Variants in GUCY1A2 observed in about 807,000 individuals in gnomAD.
The protein encoded by GUCY1A2 is guanylate cyclase soluble subunit alpha-2.
A neutral mutation model predicts 63.5 loss-of-function variants in GUCY1A2; 27 were observed. The ratio of observed to expected loss-of-function variants is 0.43; its 90% confidence interval spans 0.31 to 0.59. GUCY1A2 has a LOEUF of 0.59. GUCY1A2 is among the 20% of genes least tolerant of loss of function. The pLI is 0.11. For synonymous variants in GUCY1A2, 364 were observed against 343.5 expected (o/e 1.06, Z -0.66); for missense variants, 768 against 913.3 (o/e 0.84, Z 2.05).
chr11:106,916,397 C>A (rs771422663), intron 4 of GUCY1A2, among the ~76,000 whole-genome samples: 1 of 145,194 alleles, frequency 6.9e-6, no homozygotes, highest in Non-Finnish European at 1.5e-5. Context: ...TAAAATCATA[C>A]CTATCTCATT....
intron 6 of GUCY1A2, among the ~76,000 whole-genome samples, chr11:106,766,086 C>T (rs1864158196): frequency 6.6e-6 from 1 of 151,980 alleles, no homozygotes; most frequent in South Asian, 2.1e-4. Context: ...TAGTGGTGAC[C>T]CAGACAATTA....
intron 2 of GUCY1A2, among the ~76,000 whole-genome samples, chr11:106,981,833 C>A (rs1017529736): frequency 4.6e-5 from 7 of 151,788 alleles, no homozygotes; most frequent in Admixed American, 1.3e-4. Context: ...AGATGCTAAA[C>A]AACAGATTCT....
intron 5 of GUCY1A2, among the ~76,000 whole-genome samples, chr11:106,777,730 A>C (rs981784641): frequency 2.0e-5 from 3 of 152,046 alleles, no homozygotes; most frequent in African/African-American, 7.2e-5. Flanking sequence ...TCTAATGTAG[A>C]TGACAGGTTG....
chr11:106,689,980 C>T lies in GUCY1A2; in HGVS notation c.1992-2224G>A, dbSNP rs144429126. On this transcript the variant is annotated intron_variant, in intron 7 of 7. Transcript: ENST00000526355. ...CTGCTCTACAGCCTGGGTGACAGAGCGAGACTCAGTCTCAAAAAAAAAAAA... is the reference window on the plus strand; with the variant it reads ...CTGCTCTACAGCCTGGGTGACAGAGTGAGACTCAGTCTCAAAAAAAAAAAA... Among the ~76,000 whole-genome samples, 1,072 of 143,918 alleles carry T rather than the reference C, an allele frequency of 7.4e-3. 5 individuals carry two copies. Among genetic ancestry groups the T allele is most frequent in the Non-Finnish European group, 0.011 (731 of 66,780 alleles). 94.4% of individuals were successfully genotyped at this position (143,918 alleles called of 152,430 possible).
At chr11:106,956,468 TTTG>T (rs995320399) in intron 3 of GUCY1A2, among the ~76,000 whole-genome samples, 16 of 151,978 alleles carry the variant, frequency 1.1e-4, no homozygotes, top group Admixed American at 3.9e-4. Context: ...TGGAGGCCTT[TTTG>T]TTGTTGTTGT....
intron 5 of GUCY1A2, among the ~76,000 whole-genome samples, chr11:106,795,193 T>A (rs1039817256): frequency 1.2e-4 from 18 of 152,168 alleles, no homozygotes; most frequent in Non-Finnish European, 2.2e-4. Flanking sequence ...AATCAGGTTT[T>A]CAGACTTTAT....
chr11:106,707,989 C>G (rs1405894707), intron 7 of GUCY1A2, among the ~76,000 whole-genome samples: 2 of 151,990 alleles, frequency 1.3e-5, no homozygotes, highest in Non-Finnish European at 2.9e-5. Flanking sequence ...ATTTGGGATG[C>G]TCACCAGGTA....
chr11:106,674,517 T>A lies in GUCY1A2; in HGVS notation c.*13032A>T, dbSNP rs1257627117. ...TATGAAATACCAAATGAAACTTTTT[T>A]AAAATTAATGGTACAGGTTTAAGAG... On this transcript the variant is annotated 3_prime_UTR_variant, in exon 8 of 8. Transcript: ENST00000526355. 1 of 179,236 alleles carries A rather than the reference T, an allele frequency of 5.6e-6. No individual in the cohort carries two copies. The highest frequency in any genetic ancestry group is 1.2e-5 in the Non-Finnish European group (1 of 83,828). 11.1% of individuals were successfully genotyped at this position (179,236 alleles called of 1,614,324 possible).
chr11:106,935,575 C>T (rs1187117791), intron 4 of GUCY1A2, among the ~76,000 whole-genome samples: 1 of 152,254 alleles, frequency 6.6e-6, no homozygotes, highest in African/African-American at 2.4e-5. Flanking sequence ...TGCGGTGGCT[C>T]ACGCCTGTGA....
intron 3 of GUCY1A2, among the ~76,000 whole-genome samples, chr11:106,960,434 A>G (rs1415561082): frequency 6.6e-6 from 1 of 152,208 alleles, no homozygotes; most frequent in Non-Finnish European, 1.5e-5. Context: ...GATGCCTGAG[A>G]AGCCCAAAAT....
At chr11:106,973,691 T>C (rs1311967209) in intron 3 of GUCY1A2, among the ~76,000 whole-genome samples, 2 of 152,118 alleles carry the variant, frequency 1.3e-5, no homozygotes, top group Admixed American at 6.6e-5. Context: ...CTGAAATGAA[T>C]TTAAATTCTG....
In GUCY1A2 at chr11:106,876,511, C is replaced by T. The variant is rs529170272; in HGVS notation, c.1206+62949G>A. Among the ~76,000 whole-genome samples the T allele has an allele frequency of 4.6e-5, 7 of 152,178 alleles. No homozygotes were observed. The East Asian group carries it at 5.8e-4, about 13-fold the overall frequency. ...GGTACCACATCTGACTGTACATTTA[C>T]GATTCTCCCTGCCATCAAACTTTCT... On this transcript the variant is annotated intron_variant, in intron 4 of 7. Coordinates refer to ENST00000526355, the MANE Select transcript of GUCY1A2 (RefSeq NM_000855.3).
intron 4 of GUCY1A2, among the ~76,000 whole-genome samples, chr11:106,814,434 A>G (rs568680317): frequency 1.8e-4 from 27 of 152,102 alleles, no homozygotes; most frequent in Non-Finnish European, 3.8e-4. Flanking sequence ...GCCCAGTCTG[A>G]GAAGCTTCCA....
At chr11:106,735,848 T>C (rs1863579874) in intron 6 of GUCY1A2, among the ~76,000 whole-genome samples, 1 of 152,172 alleles carries the variant, frequency 6.6e-6, no homozygotes, top group Non-Finnish European at 1.5e-5. Context: ...GAGATGCTCA[T>C]GGTAGTTTTG....
intron 7 of GUCY1A2, among the ~76,000 whole-genome samples, chr11:106,692,839 T>C (rs1435779933): frequency 6.6e-6 from 1 of 152,162 alleles, no homozygotes. Flanking sequence ...AAAGTGATTA[T>C]TTTTATTTGC....
intron 4 of GUCY1A2, among the ~76,000 whole-genome samples, chr11:106,822,324 T>C (rs1214625152): frequency 1.3e-5 from 2 of 152,184 alleles, no homozygotes; most frequent in African/African-American, 4.8e-5. Context: ...GAAGTAAAAT[T>C]ATGAATTTTT....
intron 5 of GUCY1A2, among the ~76,000 whole-genome samples, chr11:106,792,939 G>T (rs61344618): frequency 0.044 from 6,628 of 152,118 alleles, 144 homozygotes; most frequent in East Asian, 0.093. Flanking sequence ...TTGTAAAAAT[G>T]TCCATAAAAC....
In GUCY1A2 at chr11:106,679,905, G is replaced by T. The variant is rs901267472; in HGVS notation, c.*7644C>A. 1 of 218,384 alleles carries T rather than the reference G, an allele frequency of 4.6e-6. No individual in the cohort carries two copies. The highest frequency in any genetic ancestry group is 2.3e-5 in the African/African-American group (1 of 44,426). The allele number at this position is 218,384 out of a possible 1,614,324, so 13.5% of individuals were successfully genotyped here. ...AGCTTCACTGAGATGTGCAGCTGCC[G>T]AGAGGTTGGCACTACCTCCTAGGAA... On this transcript the variant is annotated 3_prime_UTR_variant, in exon 8 of 8. Coordinates refer to ENST00000526355, the MANE Select transcript of GUCY1A2 (RefSeq NM_000855.3).
intron 6 of GUCY1A2, among the ~76,000 whole-genome samples, chr11:106,744,781 C>T (rs1183811977): frequency 6.6e-6 from 1 of 151,990 alleles, no homozygotes; most frequent in East Asian, 1.9e-4. Context: ...TATTATGATC[C>T]ATATAAAAGC....
Sources: allele counts gnomAD v4.1 joint callset (sites outside exome capture counted in the v4.1 genomes callset), GRCh38; gene constraint gnomAD v4.1.1; transcripts MANE v1.5; gene names NCBI Gene and HGNC (gene_info 2026-07-23, HGNC 2026-07-21).